The following ZSCAN2 variants were observed in gnomAD, a reference collection of about 807,000 sequenced individuals.
ZSCAN2 encodes the protein zinc finger and SCAN domain-containing protein 2.
Under a neutral mutation model 47.8 loss-of-function variants are expected in ZSCAN2, and 26 were observed. The ratio of observed to expected loss-of-function variants is 0.54; its 90% CI spans 0.40 to 0.75. ZSCAN2 has a LOEUF of 0.75. Among genes scored for constraint, ZSCAN2 ranks in the 30% least tolerant of loss-of-function variants. The pLI is 0.00. For missense variants in ZSCAN2, 732 were observed against 785.4 expected (o/e 0.93, Z 0.81); for synonymous variants, 305 against 288.7 (o/e 1.06, Z -0.57).
At chr15:84,604,607 G>T (rs1336162005) in intron 2 of ZSCAN2, among the ~76,000 whole-genome samples, 2 of 152,196 alleles carry the variant, frequency 1.3e-5, no homozygotes, top group African/African-American at 4.8e-5. Context: ...GGTTGGGAAG[G>T]TGATGGAAGT....
chr15:84,614,519 A>G (rs1172846257), intron 2 of ZSCAN2: 1 of 152,216 alleles, frequency 6.6e-6, no homozygotes, highest in South Asian at 2.1e-4. Flanking sequence ...TCTTCATTCT[A>G]AAGTTAAATT....
intron 2 of ZSCAN2, among the ~76,000 whole-genome samples, chr15:84,607,582 C>T (rs1377043212): frequency 6.6e-6 from 1 of 152,100 alleles, no homozygotes; most frequent in African/African-American, 2.4e-5. Context: ...CATCTGGGCT[C>T]ACTGCAACCT....
At position 84,621,688 on chromosome 15, in the gene ZSCAN2, G is replaced by A. The variant is rs1241308042; in HGVS notation, c.1493G>A (p.Gly498Glu). 3 of 1,614,184 alleles carry A rather than the reference G, an allele frequency of 1.9e-6. No homozygotes were observed. Among genetic ancestry groups the A allele is most frequent in the Non-Finnish European group, 2.5e-6 (3 of 1,180,026 alleles). ...NLLKHQRIHT[G>E]EKPYKCSECG... is the part of the protein sequence containing the mutation. ...CTCAAGCACCAGAGGATCCACACGG[G>A]AGAGAAACCCTACAAATGCAGCGAG... The change falls in exon 3 of 3, where the codon GGA becomes GAA. Residue 498 changes from glycine (G) to glutamate (E), a missense_variant. Physicochemically the swap from Gly to Glu is moderately conservative, Grantham distance 98 (BLOSUM62 -2). Transcript: ENST00000546148. The surrounding 1 kb of genome is among the most constrained non-coding windows in gnomAD (Gnocchi z 5.7).
At chr15:84,609,537 A>C (rs1168892727) in intron 2 of ZSCAN2, among the ~76,000 whole-genome samples, 5 of 152,166 alleles carry the variant, frequency 3.3e-5, no homozygotes, top group African/African-American at 1.2e-4. Flanking sequence ...TACCGGACAG[A>C]ATTCTTAGGG....
At position 84,621,084 on chromosome 15, in the gene ZSCAN2, C is replaced by A. The variant is rs773644583; in HGVS notation, c.889C>A (p.Gln297Lys). Reference protein sequence around the residue: ...FSRSANLITHQRIHTGEKPFQ... With the variant: ...FSRSANLITHKRIHTGEKPFQ... Reference sequence around the variant, plus strand: ...CCGGAGTGCCAACCTCATAACCCACCAGAGGATCCACACGGGGGAAAAGCC... The same window carrying A: ...CCGGAGTGCCAACCTCATAACCCACAAGAGGATCCACACGGGGGAAAAGCC... The change falls in exon 3 of 3, where the codon CAG (glutamine) becomes AAG (lysine). Residue 297 changes from glutamine to lysine, a missense_variant. This residue lies in a region of ZSCAN2 where 412 missense variants were observed against 498.0 expected (regional missense o/e 0.83). Transcript: ENST00000546148. The surrounding 1 kb of genome is among the most constrained non-coding windows in gnomAD (Gnocchi z 5.7). 1.2e-6 allele frequency: 2 copies of A among 1,613,366 alleles called. No homozygotes were observed. Among genetic ancestry groups the A allele is most frequent in the Non-Finnish European group, 1.7e-6 (2 of 1,179,788 alleles).
chr15:84,608,542 A>G (rs1567008122), intron 2 of ZSCAN2, among the ~76,000 whole-genome samples: 3 of 151,318 alleles, frequency 2.0e-5, no homozygotes, highest in Non-Finnish European at 4.4e-5. Flanking sequence ...AAAAAAAAAA[A>G]AAAAAAAAGA....
intron 2 of ZSCAN2, among the ~76,000 whole-genome samples, chr15:84,613,555 G>A (rs1206651286): frequency 1.3e-5 from 2 of 152,058 alleles, no homozygotes; most frequent in Non-Finnish European, 2.9e-5. Context: ...TGATTCACTC[G>A]CCTCGGCCTC....
chr15:84,613,654 C>T (rs906748190), intron 2 of ZSCAN2, among the ~76,000 whole-genome samples: 4 of 150,282 alleles, frequency 2.7e-5, no homozygotes, highest in Non-Finnish European at 5.9e-5. Context: ...TCCCTCTCCC[C>T]TCCAATTTTA....
chr15:84,614,474 C>T (rs1367457927), intron 2 of ZSCAN2: 2 of 152,140 alleles, frequency 1.3e-5, no homozygotes, highest in Non-Finnish European at 2.9e-5. Flanking sequence ...CATTCACAAG[C>T]TCTTTAATCA....
rs768878056 is a variant in ZSCAN2 at position 84,621,516 on chromosome 15, A to G, written c.1321A>G (p.Met441Val). The change falls in exon 3 of 3, where the codon ATG (methionine) becomes GTG (valine). Residue 441 changes from methionine (M) to valine (V), a missense_variant. By Grantham distance (21) the Met-to-Val change is conservative. Coordinates refer to ENST00000546148, the MANE Select transcript of ZSCAN2 (RefSeq NM_181877.4). The surrounding 1 kb of genome is among the most constrained non-coding windows in gnomAD (Gnocchi z 5.7). ...SNLATHRRTH[M>V]VEKPYKCGVC... ...CCTGGCCACACACCGGAGAACCCAC[A>G]TGGTGGAGAAGCCCTATAAGTGTGG... is the stretch of plus-strand genomic sequence containing the variant. The G allele has an allele frequency of 4.3e-6, 7 of 1,613,922 alleles. No homozygotes were observed. The highest frequency in any genetic ancestry group is 1.6e-4 in the Middle Eastern group (1 of 6,084).
intron 2 of ZSCAN2, among the ~76,000 whole-genome samples, chr15:84,609,971 G>A (rs1226746576): frequency 6.6e-6 from 1 of 152,226 alleles, no homozygotes; most frequent in Non-Finnish European, 1.5e-5. Flanking sequence ...GAAAGAGGAG[G>A]CCTGTGGCCA....
At chr15:84,619,623 AATT>A (rs1875354321) in intron 2 of ZSCAN2, among the ~76,000 whole-genome samples, 1 of 152,132 alleles carries the variant, frequency 6.6e-6, no homozygotes, top group South Asian at 2.1e-4. Flanking sequence ...CAATACAAGA[AATT>A]ATTATATAAG....
At chr15:84,601,901 C>T (rs1338137511) in intron 1 of ZSCAN2, 1 of 148,436 alleles carries the variant, frequency 6.7e-6, no homozygotes, top group Admixed American at 6.7e-5. Context: ...AATTCCACTG[C>T]TTTCAATATT....
chr15:84,617,083 C>T (rs1596035804), intron 2 of ZSCAN2, among the ~76,000 whole-genome samples: 1 of 151,356 alleles, frequency 6.6e-6, no homozygotes, highest in African/African-American at 2.4e-5. Context: ...GATCGCGCCA[C>T]TGCACTCCAG....
chr15:84,616,331 C>T (rs1567011237), intron 2 of ZSCAN2: 2 of 1,564,000 alleles, frequency 1.3e-6, no homozygotes, highest in Non-Finnish European at 1.8e-6. Context: ...GCGTACATGG[C>T]TGCCCTGTGT....
At position 84,616,800 on chromosome 15, in the gene ZSCAN2, G is replaced by T. The variant is rs961134650; in HGVS notation, c.407-3802G>T. On this transcript the variant is annotated intron_variant, in intron 2 of 2. Transcript: ENST00000546148. ...AGGTTCTTCTAGAAGAGAGATGCTGGCAGGGCTCTGTGCTCAAAACTTGCC... is the reference window on the plus strand; with the variant it reads ...AGGTTCTTCTAGAAGAGAGATGCTGTCAGGGCTCTGTGCTCAAAACTTGCC... 5.9e-5 allele frequency among the ~76,000 whole-genome samples: 9 copies of T among 152,144 alleles called. No individual in the cohort carries two copies. The South Asian group carries it at 1.7e-3, about 28-fold the overall frequency.
At chr15:84,619,203 G>A (rs556200941) in intron 2 of ZSCAN2, among the ~76,000 whole-genome samples, 47 of 152,172 alleles carry the variant, frequency 3.1e-4, no homozygotes, top group Middle Eastern at 3.4e-3. Flanking sequence ...AGGCCGAGGC[G>A]GGCGGATCAC....
intron 2 of ZSCAN2, among the ~76,000 whole-genome samples, chr15:84,615,619 C>G (rs570525139): frequency 6.6e-6 from 1 of 152,210 alleles, no homozygotes; most frequent in Non-Finnish European, 1.5e-5. Flanking sequence ...CCTGAGCCAA[C>G]GCGCCTGGCC....
Position 84,604,037 on chromosome 15 carries a change from A to G in ZSCAN2, c.110A>G (p.Asp37Gly), listed in dbSNP as rs747355496. Residue 37 changes from aspartate (D) to glycine (G), a missense_variant, in exon 2 of 3, where the codon GAT becomes GGT. Physicochemically the swap from Asp to Gly is moderately conservative, Grantham distance 94 (BLOSUM62 -1). Transcript: ENST00000546148. The part of the protein sequence containing the change: ...EEEVTTMILE[D>G]DSWVQEAVLQ... ...GAGGTCACCACCATGATCCTGGAGG[A>G]TGACTCCTGGGTGCAAGAAGCTGTG... The G allele has an allele frequency of 1.4e-5, 22 of 1,613,958 alleles. No homozygotes were observed. Among genetic ancestry groups the G allele is most frequent in the Non-Finnish European group, 1.7e-5 (20 of 1,180,002 alleles).
Sources: allele counts gnomAD v4.1 joint callset (sites outside exome capture counted in the v4.1 genomes callset), GRCh38; gene constraint gnomAD v4.1.1; regional missense constraint gnomAD v4.1.1; non-coding constraint Gnocchi (gnomAD v3.1); transcripts MANE v1.5; gene names NCBI Gene and HGNC (gene_info 2026-07-23, HGNC 2026-07-21).